MTM1: variants seen among roughly 807,000 people sequenced by gnomAD.
MTM1 encodes myotubularin 1.
A neutral mutation model predicts 52.1 loss-of-function variants in MTM1; 9 were observed. That is an observed-to-expected ratio of 0.17 (90% CI 0.10 to 0.30). The LOEUF is 0.30. Ranked by LOEUF, MTM1 falls within the 10% of genes least tolerant of loss-of-function variation. The pLI, the probability that MTM1 is intolerant of heterozygous loss-of-function variation, is 1.00. For synonymous variants in MTM1, 136 were observed against 163.8 expected, an observed-to-expected ratio of 0.83 and a Z score of 1.29; for missense variants, 277 against 470.7, an observed-to-expected ratio of 0.59 and a Z score of 3.81.
chrX:150,627,118 A>C (rs1162776709), intron 6 of MTM1, among the ~76,000 whole-genome samples: 1 of 110,948 alleles, frequency 9.0e-6, no homozygotes, highest in African/African-American at 3.3e-5. Context: ...GCATCCATTC[A>C]CTCCATAACT....
chrX:150,613,739 C>A (rs907495573), intron 4 of MTM1, among the ~76,000 whole-genome samples: 2 of 111,927 alleles, frequency 1.8e-5, no homozygotes, highest in Non-Finnish European at 1.9e-5. Context: ...TAGTACCTGG[C>A]ACAGAAGAGA....
intron 12 of MTM1, among the ~76,000 whole-genome samples, chrX:150,659,998 G>A (rs1411508687): frequency 1.8e-5 from 2 of 111,544 alleles, no homozygotes; most frequent in African/African-American, 6.5e-5. Flanking sequence ...TAACTCTGAT[G>A]TCTCTACTAG....
At chrX:150,586,653 G>A (rs1208782591) in intron 1 of MTM1, among the ~76,000 whole-genome samples, 1 of 111,404 alleles carries the variant, frequency 9.0e-6, no homozygotes, top group African/African-American at 3.3e-5. Flanking sequence ...GCTCATGCCT[G>A]TAATCCTAGC....
chrX:150,639,905 C>T (rs1369405989), intron 7 of MTM1, among the ~76,000 whole-genome samples: 1 of 112,420 alleles, frequency 8.9e-6, no homozygotes, highest in Non-Finnish European at 1.9e-5. Context: ...CCACCTTCAC[C>T]ATGAAAAACC....
At chrX:150,658,989 G>A (rs183863867) in intron 11 of MTM1, among the ~76,000 whole-genome samples, 1 of 111,933 alleles carries the variant, frequency 8.9e-6, no homozygotes, top group East Asian at 2.8e-4. Context: ...AAGTAGCTGG[G>A]ATTACAGGCA....
intron 3 of MTM1, chrX:150,596,786 A>C (rs1557412617): frequency 2.7e-6 from 1 of 367,259 alleles, no homozygotes; most frequent in East Asian, 4.6e-5. Flanking sequence ...TTGTGTCTGT[A>C]CCAAAGACTG....
Position 150,659,747 on chromosome X carries a change from G to A in MTM1, c.1344G>A (p.Met448Ile). Residue 448 changes from methionine to isoleucine, a missense_variant, in exon 12 of 15, where the codon ATG (methionine) becomes ATA (isoleucine). Met to Ile is a conservative substitution (Grantham distance 10). Coordinates refer to ENST00000370396, the MANE Select transcript of MTM1 (RefSeq NM_000252.3). ...FLQFIDCVWQ[M>I]SKQFPTAFEF... ...AGTTTATTGATTGTGTGTGGCAAAT[G>A]TCAAAACAGGTAAGGAATATGAGGG... 8 of 1,186,550 alleles carry A rather than the reference G, an allele frequency of 6.7e-6. No homozygotes were observed. The highest frequency in any genetic ancestry group is 9.2e-6 in the Non-Finnish European group (8 of 872,568).
intron 10 of MTM1, among the ~76,000 whole-genome samples, chrX:150,657,301 G>T (rs1199644172): frequency 9.0e-6 from 1 of 111,210 alleles, no homozygotes; most frequent in Admixed American, 9.5e-5. Flanking sequence ...CCATAAAACA[G>T]GATGAGTTCA....
chrX:150,569,857 A>G (rs1232188784), intron 1 of MTM1, among the ~76,000 whole-genome samples: 2 of 112,070 alleles, frequency 1.8e-5, no homozygotes, highest in African/African-American at 3.2e-5. Flanking sequence ...TCCAACATAT[A>G]TATTGGGCAC....
intron 6 of MTM1, among the ~76,000 whole-genome samples, chrX:150,638,409 G>A (rs1557413750): frequency 9.1e-6 from 1 of 110,057 alleles, no homozygotes; most frequent in Non-Finnish European, 1.9e-5. Flanking sequence ...TAGAGAAGAG[G>A]TGAGAGGTCT....
intron 1 of MTM1, among the ~76,000 whole-genome samples, chrX:150,574,597 AATATTTCAATGTGTC>A (rs2148398103): frequency 8.9e-6 from 1 of 112,503 alleles, no homozygotes; most frequent in Non-Finnish European, 1.9e-5. Context: ...GCATGTGCGA[AATATTTCAATGTGTC>A]ATCGACATAA....
chrX:150,656,229 G>A (rs1045777697), intron 10 of MTM1, among the ~76,000 whole-genome samples: 2 of 111,529 alleles, frequency 1.8e-5, no homozygotes, highest in African/African-American at 3.3e-5. Flanking sequence ...GACCCTATTT[G>A]AAAAGAAGGT....
intron 6 of MTM1, among the ~76,000 whole-genome samples, chrX:150,621,314 C>T (rs5924836): frequency 0.37 from 40,162 of 108,191 alleles, 6,738 homozygotes; most frequent in East Asian, 0.69. Flanking sequence ...AATTCTGAAT[C>T]CTGTAAGTTC....
At chrX:150,571,874 G>T (rs1398543107) in intron 1 of MTM1, among the ~76,000 whole-genome samples, 3 of 112,004 alleles carry the variant, frequency 2.7e-5, no homozygotes, top group Non-Finnish European at 5.6e-5. Context: ...AAGTGAGAGT[G>T]TATCAGGAGA....
At chrX:150,664,793 C>T (rs1204533646) in intron 14 of MTM1, among the ~76,000 whole-genome samples, 12 of 112,257 alleles carry the variant, frequency 1.1e-4, no homozygotes, top group African/African-American at 3.9e-4. Context: ...TGTGTTTGTC[C>T]TATAAAATAA....
chrX:150,590,049 G>T (rs1207722720), intron 1 of MTM1, among the ~76,000 whole-genome samples: 1 of 111,995 alleles, frequency 8.9e-6, no homozygotes, highest in East Asian at 2.8e-4. Context: ...AGCAACCAAA[G>T]CCCAGAGAAG....
At chrX:150,665,358 A>G (rs188745392) in intron 14 of MTM1, among the ~76,000 whole-genome samples, 130 of 112,530 alleles carry the variant, frequency 1.2e-3, no homozygotes, top group Middle Eastern at 4.6e-3. Context: ...AGGGGCGGCC[A>G]GAAACATAAG....
intron 13 of MTM1, among the ~76,000 whole-genome samples, chrX:150,662,777 G>GT (rs56713795): frequency 2.1e-4 from 21 of 101,716 alleles, no homozygotes; most frequent in South Asian, 8.7e-4. Flanking sequence ...TAGCTTTGAT[G>GT]TTTTTTTTTT....
intron 6 of MTM1, among the ~76,000 whole-genome samples, chrX:150,625,112 G>A (rs941766930): frequency 8.1e-5 from 9 of 111,400 alleles, no homozygotes; most frequent in African/African-American, 2.9e-4. Flanking sequence ...ATGTGCCATT[G>A]GAGTCCAGTG....
Sources: gnomAD v4.1 joint callset for allele counts (sites outside exome capture counted in the v4.1 genomes callset) on GRCh38, gnomAD v4.1.1 for gene constraint, MANE v1.5 for transcripts, NCBI Gene and HGNC (gene_info 2026-07-23, HGNC 2026-07-21) for gene names.